The following TMEM221 variants were observed in gnomAD, a reference collection of about 807,000 sequenced individuals.
TMEM221 encodes the protein Putative transmembrane protein ENSP00000342162.
A neutral mutation model predicts 10.2 loss-of-function variants in TMEM221; 11 were observed. That is an observed-to-expected ratio of 1.08 (90% CI 0.68 to 1.79). The LOEUF is 1.79. TMEM221 is among the 40% of genes most tolerant of loss of function. The pLI, the probability that TMEM221 is intolerant of heterozygous loss-of-function variation, is 0.00. For synonymous variants in TMEM221, 172 were observed against 199.8 expected, an observed-to-expected ratio of 0.86 and a Z score of 1.18; for missense variants, 382 against 417.7, an observed-to-expected ratio of 0.91 and a Z score of 0.75.
intron 1 of TMEM221, 49 bp from the exon 2 acceptor site, chr19:17,445,333 G>T: frequency 6.8e-7 from 1 of 1,469,638 alleles, no homozygotes; most frequent in East Asian, 2.5e-5. Flanking sequence ...AGTGGAGCTG[G>T]TGGGGGGAGG....
rs2074959178 is a variant in TMEM221 at position 17,448,033 on chromosome 19, TG to T, written c.320+109del. 5.8e-6 allele frequency: 5 copies of T among 868,494 alleles called. No homozygotes were observed. Among genetic ancestry groups the T allele is most frequent in the Non-Finnish European group, 7.6e-6 (5 of 657,038 alleles). The allele number at this position is 868,494 out of a possible 1,614,324, so 53.8% of individuals were successfully genotyped here. On this transcript the variant is annotated intron_variant, in intron 1 of 2. Coordinates refer to ENST00000341130, the MANE Select transcript of TMEM221 (RefSeq NM_001190844.2). The surrounding 1 kb of genome is among the most constrained non-coding windows in gnomAD (Gnocchi z 4.7). ...ACATGGAGTGGTGGGGAGAGGGAAGTGGGGAGGGAAGCTGTCCCCCCAGCCT... is the reference window on the plus strand; with the variant it reads ...ACATGGAGTGGTGGGGAGAGGGAAGTGGGAGGGAAGCTGTCCCCCCAGCCT...
chr19:17,444,002 A>G (rs2074942191), intron 2 of TMEM221, among the ~76,000 whole-genome samples: 2 of 139,136 alleles, frequency 1.4e-5, no homozygotes, highest in Admixed American at 7.3e-5. Flanking sequence ...TTCTCAAGCC[A>G]TTTTTGAGCT....
chr19:17,439,255 A>G (rs561044852), intron 2 of TMEM221, among the ~76,000 whole-genome samples: 1 of 151,220 alleles, frequency 6.6e-6, no homozygotes, highest in African/African-American at 2.4e-5. Context: ...ATATGAGGGA[A>G]TATGATGCAG....
In TMEM221 at chr19:17,448,519, G is replaced by T; in HGVS notation, c.-57C>A. On this transcript the variant is annotated 5_prime_UTR_variant, in exon 1 of 3. Coordinates refer to ENST00000341130, the MANE Select transcript of TMEM221 (RefSeq NM_001190844.2). The surrounding 1 kb of genome is among the most constrained non-coding windows in gnomAD (Gnocchi z 4.7). ...TGAGGAATTGAAGTGGTTTTAGAGG[G>T]CAGGGGAGTTGGGGGGAATCCGAGG... 7.4e-7 allele frequency: 1 copy of T among 1,357,392 alleles called. No individual in the cohort carries two copies. Among genetic ancestry groups the T allele is most frequent in the Non-Finnish European group, 9.6e-7 (1 of 1,044,740 alleles). 84.1% of individuals were successfully genotyped at this position (1,357,392 alleles called of 1,614,324 possible). A position where few individuals can be genotyped will look rare whatever the true frequency, so the allele number is the denominator to read the frequency against.
chr19:17,448,198 C>T lies in TMEM221; in HGVS notation c.265G>A (p.Ala89Thr), dbSNP rs1226205618. 6 of 1,434,854 alleles carry T rather than the reference C, an allele frequency of 4.2e-6. No homozygotes were observed. The highest frequency in any genetic ancestry group is 1.4e-5 in the South Asian group (1 of 72,932). The allele number at this position is 1,434,854 out of a possible 1,614,324, so 88.9% of individuals were successfully genotyped here. The change falls in exon 1 of 3, where the codon GCC (alanine) becomes ACC (threonine). Residue 89 changes from alanine (A) to threonine (T), a missense_variant. By Grantham distance (58) the Ala-to-Thr change is moderately conservative. Coordinates refer to ENST00000341130, the MANE Select transcript of TMEM221 (RefSeq NM_001190844.2). The surrounding 1 kb of genome is among the most constrained non-coding windows in gnomAD (Gnocchi z 4.7). ...LVLGFTCLLL[A>T]ALCGHLGAEL... is the part of the protein sequence containing the mutation. ...GCGCCCAGGTGGCCACAGAGCGCGG[C>T]GAGCAGCAAGCAGGTGAACCCCAGC... is the stretch of plus-strand genomic sequence containing the variant.
intron 2 of TMEM221, among the ~76,000 whole-genome samples, chr19:17,438,790 G>T (rs569438336): frequency 6.6e-6 from 1 of 151,110 alleles, no homozygotes; most frequent in African/African-American, 2.4e-5. Flanking sequence ...AGAGACAGGG[G>T]TTTCACCATG....
rs913408748 is a variant in TMEM221, at chr19:17,447,326, T to C, written c.320+817A>G. On this transcript the variant is annotated intron_variant, in intron 1 of 2. Transcript: ENST00000341130. ...TGTGAACCACCATGCCTTGTCCTTG[T>C]TATGTTTCCTTATTTTCTGTGACCC... is the stretch of plus-strand genomic sequence containing the variant. 3.9e-5 allele frequency among the ~76,000 whole-genome samples: 6 copies of C among 152,058 alleles called. No homozygotes were observed. The East Asian group carries it at 7.7e-4, about 20-fold the overall frequency.
chr19:17,441,527 G>T (rs535929553), intron 2 of TMEM221, among the ~76,000 whole-genome samples: 2 of 152,116 alleles, frequency 1.3e-5, no homozygotes, highest in Non-Finnish European at 2.9e-5. Flanking sequence ...TGTCCTCATT[G>T]GACCAAGCTC....
At chr19:17,444,871 C>T (rs1189984735) in intron 2 of TMEM221, 1 of 147,122 alleles carries the variant, frequency 6.8e-6, no homozygotes, top group African/African-American at 2.5e-5. Flanking sequence ...TCTCAAACTC[C>T]TGGCCTCAAG....
chr19:17,447,839 T>C (rs892847584), intron 1 of TMEM221, among the ~76,000 whole-genome samples: 2 of 152,130 alleles, frequency 1.3e-5, no homozygotes, highest in Admixed American at 6.6e-5. Context: ...GAGCTCAGCC[T>C]CCCCTGTTTG....
intron 1 of TMEM221, 139 bp from the exon 2 acceptor site, chr19:17,445,423 T>C: frequency 1.7e-6 from 1 of 597,962 alleles, no homozygotes; most frequent in Non-Finnish European, 2.9e-6. Context: ...TGTGAGTACC[T>C]AACCATCATC....
Position 17,436,385 on chromosome 19 carries a change from A to C in TMEM221, c.*73T>G. 1.5e-6 allele frequency: 2 copies of C among 1,322,566 alleles called. No homozygotes were observed. Among genetic ancestry groups the C allele is most frequent in the Non-Finnish European group, 2.0e-6 (2 of 1,007,062 alleles). The allele number at this position is 1,322,566 out of a possible 1,614,324, so 81.9% of individuals were successfully genotyped here. On this transcript the variant is annotated 3_prime_UTR_variant, in exon 3 of 3. Transcript: ENST00000341130. ...GAGAGAAAAATCAAGTCCTACTGCTACTGCAGCTGAACCCGAACCTATCTC... is the reference window on the plus strand; with the variant it reads ...GAGAGAAAAATCAAGTCCTACTGCTCCTGCAGCTGAACCCGAACCTATCTC...
chr19:17,441,509 A>G (rs2074931770), intron 2 of TMEM221, among the ~76,000 whole-genome samples: 1 of 152,206 alleles, frequency 6.6e-6, no homozygotes, highest in East Asian at 1.9e-4. Flanking sequence ...CCACTTTGGC[A>G]TCAATGATGT....
chr19:17,436,767 T>A lies in TMEM221; in HGVS notation c.567A>T (p.Pro189=). ...ARRGLHELSP[P]SFEDDLARPA... is the part of the protein sequence containing the mutation. ...GGCGGGCGAGGTCGTCTTCAAAGGA[T>A]GGCGGGGACAACTCATGGAGCCCAC... Residue 189 remains proline, a synonymous_variant, in exon 3 of 3, where the codon CCA becomes CCT. Transcript: ENST00000341130. 1 of 1,520,736 alleles carries A rather than the reference T, an allele frequency of 6.6e-7. No individual in the cohort carries two copies. The highest frequency in any genetic ancestry group is 1.4e-5 in the African/African-American group (1 of 72,880). The allele number at this position is 1,520,736 out of a possible 1,614,324, so 94.2% of individuals were successfully genotyped here. A position where few individuals can be genotyped will look rare whatever the true frequency, so the allele number is the denominator to read the frequency against.
At chr19:17,445,765 T>A (rs200093882) in intron 1 of TMEM221, among the ~76,000 whole-genome samples, 7 of 151,782 alleles carry the variant, frequency 4.6e-5, no homozygotes, top group African/African-American at 1.7e-4. Context: ...CATCCATCCA[T>A]CCACTTATCC....
At chr19:17,444,788 A>AAT (rs1013256955) in intron 2 of TMEM221, 14 of 115,340 alleles carry the variant, frequency 1.2e-4, no homozygotes, top group African/African-American at 3.9e-4. Flanking sequence ...ATATTTAATA[A>AAT]ATATATATTA....
intron 2 of TMEM221, among the ~76,000 whole-genome samples, chr19:17,437,554 C>A (rs1472957499): frequency 6.6e-6 from 1 of 152,116 alleles, no homozygotes; most frequent in Non-Finnish European, 1.5e-5. Context: ...ATGGTAAAAC[C>A]CTGTCTCTAC....
intron 2 of TMEM221, among the ~76,000 whole-genome samples, chr19:17,443,550 G>A (rs2074940281): frequency 1.3e-5 from 2 of 151,738 alleles, no homozygotes; most frequent in Non-Finnish European, 2.9e-5. Context: ...TGGCCAGGCT[G>A]GTCTTGAACT....
intron 2 of TMEM221, among the ~76,000 whole-genome samples, chr19:17,443,732 T>C (rs2074941091): frequency 6.6e-6 from 1 of 152,162 alleles, no homozygotes; most frequent in Non-Finnish European, 1.5e-5. Context: ...TATTTTTTCT[T>C]CCTGTAAAAC....
Sources: allele counts gnomAD v4.1 joint callset (sites outside exome capture counted in the v4.1 genomes callset), GRCh38; gene constraint gnomAD v4.1.1; non-coding constraint Gnocchi (gnomAD v3.1); transcripts MANE v1.5; gene names NCBI Gene and HGNC (gene_info 2026-07-23, HGNC 2026-07-21).